The following GABRB1 variants were observed in gnomAD, a reference collection of about 807,000 sequenced individuals.
The protein encoded by GABRB1 is gamma-aminobutyric acid receptor subunit beta-1.
In GABRB1, 17 loss-of-function variants were observed where a neutral mutation model predicts 51.6. The observed-to-expected ratio is 0.33, with a 90% confidence interval of 0.23 to 0.49. GABRB1 has a LOEUF of 0.49. GABRB1 is among the 20% of genes least tolerant of loss of function. The probability of loss-of-function intolerance (pLI) is 0.99; values close to 1 mark genes in which losing one functional copy is unlikely to be tolerated. For missense variants in GABRB1, 410 were observed against 600.6 expected, an observed-to-expected ratio of 0.68 and a Z score of 3.32; for synonymous variants, 247 against 218.9, an observed-to-expected ratio of 1.13 and a Z score of -1.14.
At chr4:47,223,928 C>T (rs537952346) in intron 4 of GABRB1, among the ~76,000 whole-genome samples, 2 of 152,190 alleles carry the variant, frequency 1.3e-5, no homozygotes, top group South Asian at 4.1e-4. Flanking sequence ...CTCTCCTTTC[C>T]AATCACTACC....
intron 4 of GABRB1, 69 bp downstream of exon 4, chr4:47,161,538 G>A (rs934296214): frequency 2.3e-6 from 3 of 1,285,394 alleles, no homozygotes; most frequent in African/African-American, 2.9e-5. Flanking sequence ...TTTGGAAGTG[G>A]GCAAAGGGGA....
chr4:47,223,324 G>A (rs10016894), intron 4 of GABRB1, among the ~76,000 whole-genome samples: 54,116 of 151,858 alleles, frequency 0.36, 10,065 homozygotes, highest in African/African-American at 0.42. Flanking sequence ...GTGTATGTGC[G>A]ATGAAAGATG....
At chr4:47,268,364 C>A (rs965168095) in intron 4 of GABRB1, among the ~76,000 whole-genome samples, 3 of 152,028 alleles carry the variant, frequency 2.0e-5, no homozygotes, top group African/African-American at 4.8e-5. Flanking sequence ...AAATATAAAA[C>A]GTCAGAAGAA....
At chr4:47,023,706 C>T in intron 1 of GABRB1, among the ~76,000 whole-genome samples, 1 of 151,710 alleles carries the variant, frequency 6.6e-6, no homozygotes, top group South Asian at 2.1e-4. Flanking sequence ...TGGGATTTCA[C>T]ATGTGTAAAT....
intron 3 of GABRB1, among the ~76,000 whole-genome samples, chr4:47,123,675 T>C (rs1472037799): frequency 1.3e-5 from 1 of 74,612 alleles, no homozygotes; most frequent in Non-Finnish European, 2.3e-5. Context: ...TATGATATGA[T>C]ATATCATATA....
At chr4:47,077,322 C>A (rs1397393030) in intron 3 of GABRB1, among the ~76,000 whole-genome samples, 2 of 152,060 alleles carry the variant, frequency 1.3e-5, no homozygotes, top group Non-Finnish European at 2.9e-5. Context: ...TAGAGCAGTT[C>A]TTTAAAGACT....
At chr4:47,013,074 T>A (rs550241715) in intron 1 of GABRB1, among the ~76,000 whole-genome samples, 80 of 152,252 alleles carry the variant, frequency 5.3e-4, no homozygotes, top group Middle Eastern at 3.4e-3. Flanking sequence ...TTCACTACTA[T>A]AAATTAGAGT....
chr4:47,105,966 T>C (rs898118075), intron 3 of GABRB1, among the ~76,000 whole-genome samples: 1 of 152,100 alleles, frequency 6.6e-6, no homozygotes, highest in East Asian at 1.9e-4. Flanking sequence ...ACATTGACCA[T>C]AGGTAAGCAA....
At chr4:47,075,899 T>G (rs981267759) in intron 3 of GABRB1, among the ~76,000 whole-genome samples, 2 of 152,154 alleles carry the variant, frequency 1.3e-5, no homozygotes, top group African/African-American at 4.8e-5. Flanking sequence ...TAGACCCCTT[T>G]GGAGCCTGCC....
At chr4:47,230,669 C>T (rs1180656807) in intron 4 of GABRB1, among the ~76,000 whole-genome samples, 2 of 152,154 alleles carry the variant, frequency 1.3e-5, no homozygotes. Flanking sequence ...TCTATCTTCC[C>T]ATAACCATGT....
At chr4:47,199,847 C>G (rs1719830243) in intron 4 of GABRB1, among the ~76,000 whole-genome samples, 1 of 152,016 alleles carries the variant, frequency 6.6e-6, no homozygotes, top group African/African-American at 2.4e-5. Context: ...GGTGCTTAGT[C>G]TAGACAGAGA....
chr4:47,150,309 A>ATC (rs1334468406), intron 3 of GABRB1, among the ~76,000 whole-genome samples: 1 of 47,946 alleles, frequency 2.1e-5, no homozygotes, highest in African/African-American at 9.1e-5. Context: ...ATGAGAATCC[A>ATC]TCACACACAC....
intron 3 of GABRB1, among the ~76,000 whole-genome samples, chr4:47,055,683 A>G (rs1726563721): frequency 6.6e-6 from 1 of 152,100 alleles, no homozygotes; most frequent in Admixed American, 6.5e-5. Flanking sequence ...AGTTAGGAAA[A>G]TTCTCAGCTA....
At chr4:47,017,010 A>G (rs1018506388) in intron 1 of GABRB1, among the ~76,000 whole-genome samples, 1 of 152,240 alleles carries the variant, frequency 6.6e-6, no homozygotes, top group Non-Finnish European at 1.5e-5. Context: ...CTTTTAATAC[A>G]TAACAAACTT....
intron 3 of GABRB1, among the ~76,000 whole-genome samples, chr4:47,065,727 T>C (rs1434423388): frequency 6.6e-6 from 1 of 152,210 alleles, no homozygotes; most frequent in Non-Finnish European, 1.5e-5. Context: ...CTGTTATGTT[T>C]TCATGTCCTT....
At chr4:47,172,139 T>A (rs1441393670) in intron 4 of GABRB1, among the ~76,000 whole-genome samples, 2 of 152,128 alleles carry the variant, frequency 1.3e-5, no homozygotes, top group Admixed American at 6.5e-5. Flanking sequence ...TTACGCAGCA[T>A]CCCATCATCA....
intron 5 of GABRB1, among the ~76,000 whole-genome samples, chr4:47,373,443 A>G (rs921781696): frequency 6.6e-6 from 1 of 152,180 alleles, no homozygotes; most frequent in African/African-American, 2.4e-5. Flanking sequence ...TCACTGTCAC[A>G]TCACCAAGTA....
chr4:47,244,584 A>T (rs1721666206), intron 4 of GABRB1, among the ~76,000 whole-genome samples: 1 of 152,078 alleles, frequency 6.6e-6, no homozygotes, highest in East Asian at 1.9e-4. Flanking sequence ...GTATTCAGGG[A>T]TTCAACTTCT....
chr4:47,378,065 C>G (rs1008223223), intron 5 of GABRB1, among the ~76,000 whole-genome samples: 3 of 152,174 alleles, frequency 2.0e-5, no homozygotes, highest in Non-Finnish European at 2.9e-5. Context: ...CTTGGGTGGT[C>G]GATGGGACTG....
Sources: gnomAD v4.1 joint callset for allele counts (sites outside exome capture counted in the v4.1 genomes callset) on GRCh38, gnomAD v4.1.1 for gene constraint, MANE v1.5 for transcripts, NCBI Gene and HGNC (gene_info 2026-07-23, HGNC 2026-07-21) for gene names.